SCN2A: variants seen among roughly 807,000 people sequenced by gnomAD.
SCN2A encodes the protein sodium channel protein type 2 subunit alpha.
SCN2A carries 20 observed loss-of-function variants against 188.7 expected under a neutral mutation model. The observed-to-expected ratio is 0.11, with a 90% CI of 0.07 to 0.15. The LOEUF (loss-of-function observed/expected upper bound fraction) is 0.15, where lower values mean the gene tolerates loss of function less well. SCN2A is among the 10% of genes least tolerant of loss of function. SCN2A has a pLI of 1.00. For missense variants in SCN2A, 1,278 were observed against 2,445.0 expected, an observed-to-expected ratio of 0.52 and a Z score of 10.07; for synonymous variants, 804 against 833.1, an observed-to-expected ratio of 0.97 and a Z score of 0.60.
At chr2:165,364,863 G>A (rs751840862) in intron 17 of SCN2A, among the ~76,000 whole-genome samples, 2 of 152,170 alleles carry the variant, frequency 1.3e-5, no homozygotes, top group African/African-American at 4.8e-5. Context: ...GCTTACATAA[G>A]CTTTCTGCAG....
chr2:165,363,197 C>A (rs976469159), intron 17 of SCN2A, among the ~76,000 whole-genome samples: 1 of 151,802 alleles, frequency 6.6e-6, no homozygotes, highest in African/African-American at 2.4e-5. Flanking sequence ...TTTTTTTAAG[C>A]AAAATTTATT....
chr2:165,334,918 G>C (rs1206078190), intron 14 of SCN2A, among the ~76,000 whole-genome samples: 7 of 151,098 alleles, frequency 4.6e-5, no homozygotes, highest in Non-Finnish European at 3.0e-5. Context: ...TAAGATTGCA[G>C]AATACAAGAT....
intron 11 of SCN2A, among the ~76,000 whole-genome samples, chr2:165,317,395 A>G (rs1446783433): frequency 6.6e-6 from 1 of 151,788 alleles, no homozygotes; most frequent in East Asian, 1.9e-4. Flanking sequence ...GAGAGGAAAA[A>G]AGGGAGCAAA....
chr2:165,255,727 C>G (rs76643919), intron 1 of SCN2A, among the ~76,000 whole-genome samples: 1 of 152,118 alleles, frequency 6.6e-6, no homozygotes, highest in African/African-American at 2.4e-5. Context: ...GATATATTTT[C>G]TCAGCTGCTG....
chr2:165,331,687 A>G, intron 14 of SCN2A, 119 bp downstream of exon 14: 1 of 817,346 alleles, frequency 1.2e-6, no homozygotes, highest in South Asian at 1.4e-5. Context: ...TTGACATCAA[A>G]TGTTTAGCAT....
chr2:165,309,978 G>A (rs1315909091), intron 6 of SCN2A, among the ~76,000 whole-genome samples: 4 of 152,064 alleles, frequency 2.6e-5, no homozygotes, highest in African/African-American at 9.7e-5. Context: ...AACCAATAAG[G>A]GGTTAGGGAG....
At position 165,374,934 on chromosome 2, in the gene SCN2A, G is replaced by C; in HGVS notation, c.4222G>C (p.Val1408Leu). ...WKNVKVNFDN[V>L]GLGYLSLLQV... ...AAATGTGAAAGTAAACTTTGATAAC[G>C]TAGGACTTGGATATCTGTCTCTACT... The change falls in exon 22 of 27, where the codon GTA becomes CTA. Residue 1408 changes from valine to leucine, a missense_variant. Transcript: ENST00000375437. The C allele has an allele frequency of 6.2e-7, 1 of 1,613,176 alleles. No homozygotes were observed. Among genetic ancestry groups the C allele is most frequent in the Non-Finnish European group, 8.5e-7 (1 of 1,179,416 alleles).
intron 1 of SCN2A, among the ~76,000 whole-genome samples, chr2:165,259,966 T>C (rs919701317): frequency 7.9e-6 from 1 of 127,082 alleles, no homozygotes; most frequent in East Asian, 2.3e-4. Context: ...TGAGACGGAG[T>C]CTTGATCTGT....
intron 1 of SCN2A, among the ~76,000 whole-genome samples, chr2:165,258,371 C>A (rs2106081435): frequency 6.6e-6 from 1 of 152,238 alleles, no homozygotes; most frequent in East Asian, 1.9e-4. Context: ...CAGTTTCAAT[C>A]TTCTGCATAT....
chr2:165,328,956 C>T (rs890099691), intron 13 of SCN2A, among the ~76,000 whole-genome samples: 4 of 141,652 alleles, frequency 2.8e-5, no homozygotes, highest in Non-Finnish European at 6.1e-5. Flanking sequence ...ATATCACATA[C>T]ATGCATACTC....
chr2:165,359,533 T>C (rs1309672909), intron 17 of SCN2A, among the ~76,000 whole-genome samples: 2 of 152,094 alleles, frequency 1.3e-5, no homozygotes, highest in Non-Finnish European at 2.9e-5. Flanking sequence ...AATTTTTGAT[T>C]TCCTTGTAAA....
intron 1 of SCN2A, among the ~76,000 whole-genome samples, chr2:165,247,302 T>C (rs969032580): frequency 7.2e-5 from 11 of 152,232 alleles, no homozygotes; most frequent in Non-Finnish European, 1.5e-5. Flanking sequence ...TTTTTTGTTG[T>C]CTTTGCAATA....
intron 17 of SCN2A, among the ~76,000 whole-genome samples, chr2:165,356,737 C>T (rs549088472): frequency 3.9e-5 from 6 of 152,134 alleles, no homozygotes; most frequent in South Asian, 2.1e-4. Flanking sequence ...ATTTTACAGC[C>T]GTGGGTTTTC....
At chr2:165,352,658 G>A (rs942038637) in intron 16 of SCN2A, among the ~76,000 whole-genome samples, 7 of 152,034 alleles carry the variant, frequency 4.6e-5, no homozygotes, top group African/African-American at 1.2e-4. Context: ...GTAATGAATC[G>A]CAGTTAAACC....
At chr2:165,317,106 A>G (rs572841050) in intron 11 of SCN2A, among the ~76,000 whole-genome samples, 2 of 152,244 alleles carry the variant, frequency 1.3e-5, no homozygotes, top group South Asian at 4.1e-4. Context: ...CTCACATGTG[A>G]TATATATAAA....
chr2:165,383,603 G>A (rs1195089722), intron 25 of SCN2A, among the ~76,000 whole-genome samples: 2 of 152,142 alleles, frequency 1.3e-5, no homozygotes, highest in Non-Finnish European at 2.9e-5. Flanking sequence ...GAGGCCGTGT[G>A]AATACATTGT....
intron 13 of SCN2A, among the ~76,000 whole-genome samples, chr2:165,329,480 C>CT (rs552534907): frequency 5.9e-5 from 9 of 151,936 alleles, no homozygotes; most frequent in African/African-American, 1.7e-4. Flanking sequence ...AGATTCCCCC[C>CT]TTTTTTTTGG....
chr2:165,283,806 A>G (rs1036847379), intron 1 of SCN2A, among the ~76,000 whole-genome samples: 8 of 152,182 alleles, frequency 5.3e-5, no homozygotes, highest in Admixed American at 5.2e-4. Context: ...TTGAAATCAG[A>G]CACATGTGAA....
chr2:165,248,234 C>A (rs1167216065), intron 1 of SCN2A, among the ~76,000 whole-genome samples: 1 of 152,176 alleles, frequency 6.6e-6, no homozygotes, highest in Non-Finnish European at 1.5e-5. Flanking sequence ...CAAAATTCTG[C>A]AAGTGATATC....
Sources: gnomAD v4.1 joint callset for allele counts (sites outside exome capture counted in the v4.1 genomes callset) on GRCh38, gnomAD v4.1.1 for gene constraint, MANE v1.5 for transcripts, NCBI Gene and HGNC (gene_info 2026-07-23, HGNC 2026-07-21) for gene names.